Variants in ITPR2 observed in about 807,000 individuals in gnomAD.
ITPR2 encodes the protein inositol 1,4,5-trisphosphate receptor type 2.
A neutral mutation model predicts 317.1 loss-of-function variants in ITPR2; 207 were observed. That is an observed-to-expected ratio of 0.65 (90% confidence interval 0.58 to 0.73). ITPR2 has a LOEUF of 0.73. ITPR2 is among the 30% of genes least tolerant of loss of function. The pLI, the probability that ITPR2 is intolerant of heterozygous loss-of-function variation, is 0.00. For missense variants in ITPR2, 2,613 were observed against 3,284.0 expected (o/e 0.80, Z 4.99); for synonymous variants, 1,156 against 1,149.1 (o/e 1.01, Z -0.12).
intron 13 of ITPR2, among the ~76,000 whole-genome samples, chr12:26,670,006 G>A (rs540860122): frequency 3.3e-5 from 5 of 152,336 alleles, no homozygotes; most frequent in South Asian, 4.1e-4. Flanking sequence ...AGGGGTGCCC[G>A]CCATTGCCCA....
intron 43 of ITPR2, among the ~76,000 whole-genome samples, chr12:26,479,015 C>A (rs1942482363): frequency 6.7e-6 from 1 of 149,870 alleles, no homozygotes; most frequent in African/African-American, 2.4e-5. Context: ...TTTAAAGTAC[C>A]CTATGCAAGG....
intron 55 of ITPR2, among the ~76,000 whole-genome samples, chr12:26,361,706 T>C (rs1363977591): frequency 2.6e-5 from 4 of 152,262 alleles, no homozygotes; most frequent in African/African-American, 9.6e-5. Context: ...CAGATTTCTT[T>C]AACTAACAAT....
chr12:26,695,650 G>C lies in ITPR2; in HGVS notation c.952C>G (p.Leu318Val), dbSNP rs1310884341. 1 of 1,611,708 alleles carries C rather than the reference G, an allele frequency of 6.2e-7. No individual in the cohort carries two copies. Among genetic ancestry groups the C allele is most frequent in the South Asian group, 1.1e-5 (1 of 90,950 alleles). Residue 318 changes from leucine (L) to valine (V), a missense_variant and splice_region_variant, in exon 10 of 57, where the codon CTT (leucine) becomes GTT (valine). Physicochemically the swap from Leu to Val is conservative, Grantham distance 32. Around this residue, in one of 9 missense-constraint regions of ITPR2, gnomAD observed 515 missense variants for 789.4 expected, o/e 0.65. Coordinates refer to ENST00000381340, the MANE Select transcript of ITPR2 (RefSeq NM_002223.4). ...LATGNYLAAE[L>V]NPDYRDAQNE... is the part of the protein sequence containing the mutation. ...TGGGCATCTCGATAATCAGGATTAA[G>C]CTAGAAAAACAAAGGAAAATTTAGT... is the stretch of plus-strand genomic sequence containing the variant.
intron 45 of ITPR2, among the ~76,000 whole-genome samples, chr12:26,464,992 A>C (rs527312546): frequency 1.6e-4 from 24 of 152,226 alleles, no homozygotes; most frequent in Non-Finnish European, 3.1e-4. Flanking sequence ...CAGTTGGAGG[A>C]ACAAGCCTGG....
At chr12:26,684,695 T>C (rs115920898) in intron 11 of ITPR2, among the ~76,000 whole-genome samples, 1 of 152,332 alleles carries the variant, frequency 6.6e-6, no homozygotes, top group African/African-American at 2.4e-5. Context: ...TTATTCTATA[T>C]AAAGTGAGGC....
intron 32 of ITPR2, among the ~76,000 whole-genome samples, chr12:26,591,708 C>A (rs574089948): frequency 1.3e-5 from 2 of 151,676 alleles, no homozygotes; most frequent in East Asian, 3.9e-4. Flanking sequence ...CATGGTGGTG[C>A]ATGCCTGTAG....
At chr12:26,768,173 T>A (rs1310655174) in intron 2 of ITPR2, among the ~76,000 whole-genome samples, 2 of 149,882 alleles carry the variant, frequency 1.3e-5, no homozygotes, top group African/African-American at 4.9e-5. Flanking sequence ...TGGCACATGT[T>A]ACATGGCACA....
In ITPR2 at chr12:26,595,555, A is replaced by G; in HGVS notation, c.4290T>C (p.Cys1430=). 1 of 1,596,016 alleles carries G rather than the reference A, an allele frequency of 6.3e-7. No individual in the cohort carries two copies. The highest frequency in any genetic ancestry group is 8.5e-7 in the Non-Finnish European group (1 of 1,174,684). The change falls in exon 32 of 57, where the codon TGT becomes TGC. Residue 1430 remains cysteine, a synonymous_variant. Transcript: ENST00000381340. ...KIAYVNFVNH[C]YVDTEVEMKE... Reference sequence around the variant, plus strand: ...TCATTTCCACTTCAGTGTCAACATAACAGTGATTAACAAAGTTCACATAAG... The same window carrying G: ...TCATTTCCACTTCAGTGTCAACATAGCAGTGATTAACAAAGTTCACATAAG...
At chr12:26,748,884 C>A (rs1045956736) in intron 2 of ITPR2, among the ~76,000 whole-genome samples, 1 of 152,144 alleles carries the variant, frequency 6.6e-6, no homozygotes, top group African/African-American at 2.4e-5. Context: ...GAAAAACCCA[C>A]AAGACAAGTA....
chr12:26,814,297 G>A (rs1240089780), intron 1 of ITPR2, among the ~76,000 whole-genome samples: 1 of 151,992 alleles, frequency 6.6e-6, no homozygotes, highest in Non-Finnish European at 1.5e-5. Flanking sequence ...TCTCTTTTGG[G>A]GTGAAAATTG....
intron 45 of ITPR2, among the ~76,000 whole-genome samples, chr12:26,458,908 A>G (rs1341651479): frequency 6.6e-6 from 1 of 152,168 alleles, no homozygotes; most frequent in Admixed American, 6.5e-5. Flanking sequence ...TCCCGACCCC[A>G]CTGACATTTA....
At chr12:26,538,824 C>T (rs1014254497) in intron 37 of ITPR2, among the ~76,000 whole-genome samples, 1 of 152,164 alleles carries the variant, frequency 6.6e-6, no homozygotes, top group Non-Finnish European at 1.5e-5. Flanking sequence ...ATCCGCCTGC[C>T]TCCACCTCCC....
intron 34 of ITPR2, among the ~76,000 whole-genome samples, chr12:26,566,535 GAA>G (rs1944992306): frequency 2.1e-5 from 3 of 146,050 alleles, no homozygotes; most frequent in Admixed American, 1.4e-4. Context: ...GGAGAGGAAA[GAA>G]GAGAGGAGAA....
At chr12:26,528,415 C>G (rs908797143) in intron 37 of ITPR2, among the ~76,000 whole-genome samples, 1 of 152,210 alleles carries the variant, frequency 6.6e-6, no homozygotes. Context: ...AAAATAGTTT[C>G]TATCCTATCA....
At chr12:26,721,530 A>G (rs1427889853) in intron 5 of ITPR2, among the ~76,000 whole-genome samples, 2 of 152,172 alleles carry the variant, frequency 1.3e-5, no homozygotes, top group Non-Finnish European at 2.9e-5. Context: ...AATCTTAACT[A>G]TTGATCCCCT....
intron 21 of ITPR2, among the ~76,000 whole-genome samples, chr12:26,641,872 A>T (rs12308418): frequency 0.019 from 2,960 of 152,296 alleles, 99 homozygotes; most frequent in African/African-American, 0.067. Flanking sequence ...GGCACCGTTG[A>T]CAACTAAAAG....
intron 22 of ITPR2, among the ~76,000 whole-genome samples, chr12:26,630,112 G>T (rs1008733604): frequency 4.6e-5 from 7 of 152,170 alleles, no homozygotes; most frequent in African/African-American, 1.7e-4. Flanking sequence ...CAGAAGGCAG[G>T]GGGCAGAGCT....
intron 9 of ITPR2, among the ~76,000 whole-genome samples, chr12:26,698,564 T>C (rs1371378109): frequency 6.6e-6 from 1 of 151,348 alleles, no homozygotes; most frequent in East Asian, 1.9e-4. Flanking sequence ...GGGAAGGGAG[T>C]ATGGATGGAA....
intron 34 of ITPR2, among the ~76,000 whole-genome samples, chr12:26,567,495 CA>C (rs1945009531): frequency 6.6e-6 from 1 of 152,000 alleles, no homozygotes; most frequent in African/African-American, 2.4e-5. Flanking sequence ...TGAAAATTAG[CA>C]AGGTAAAATA....
Sources: allele counts gnomAD v4.1 joint callset (sites outside exome capture counted in the v4.1 genomes callset), GRCh38; gene constraint gnomAD v4.1.1; regional missense constraint gnomAD v4.1.1; transcripts MANE v1.5; gene names NCBI Gene and HGNC (gene_info 2026-07-23, HGNC 2026-07-21).